Variants in NDST3 observed in about 807,000 individuals in gnomAD.
The protein encoded by NDST3 is bifunctional heparan sulfate N-deacetylase/N-sulfotransferase 3.
In NDST3, 58 loss-of-function variants were observed where a neutral mutation model predicts 96.1. The ratio of observed to expected loss-of-function variants is 0.60; its 90% confidence interval spans 0.49 to 0.75. The LOEUF is 0.75. NDST3 is among the 30% of genes least tolerant of loss of function. The pLI is 0.00. For missense variants in NDST3, 788 were observed against 1,034.2 expected (o/e 0.76, Z 3.27); for synonymous variants, 333 against 359.7 (o/e 0.93, Z 0.84).
At chr4:118,228,363 G>A (rs1168309704) in intron 8 of NDST3, among the ~76,000 whole-genome samples, 1 of 152,162 alleles carries the variant, frequency 6.6e-6, no homozygotes, top group Non-Finnish European at 1.5e-5. Flanking sequence ...TGAAGGCTTG[G>A]TAGCATTTTG....
chr4:118,079,305 A>T (rs1727824626), intron 2 of NDST3, among the ~76,000 whole-genome samples: 1 of 152,198 alleles, frequency 6.6e-6, no homozygotes, highest in Admixed American at 6.6e-5. Flanking sequence ...GGTCAGTGGG[A>T]TGCAGAGTGG....
At chr4:118,037,695 T>C (rs1177012654) in intron 1 of NDST3, among the ~76,000 whole-genome samples, 3 of 151,994 alleles carry the variant, frequency 2.0e-5, no homozygotes, top group South Asian at 2.1e-4. Flanking sequence ...CATAAAGGAG[T>C]CCACAGGACA....
intron 4 of NDST3, among the ~76,000 whole-genome samples, chr4:118,134,446 T>C (rs1732904524): frequency 6.6e-6 from 1 of 152,184 alleles, no homozygotes; most frequent in African/African-American, 2.4e-5. Flanking sequence ...GGGAATGCGA[T>C]TCTATGCCAA....
At chr4:118,117,645 T>C (rs908397315) in intron 4 of NDST3, among the ~76,000 whole-genome samples, 1 of 152,204 alleles carries the variant, frequency 6.6e-6, no homozygotes, top group Non-Finnish European at 1.5e-5. Context: ...CTATTTATTT[T>C]CCCATTATAG....
intron 4 of NDST3, among the ~76,000 whole-genome samples, chr4:118,130,084 G>A (rs1374217557): frequency 1.3e-5 from 2 of 151,992 alleles, no homozygotes; most frequent in East Asian, 1.9e-4. Flanking sequence ...ATCTTTATAA[G>A]TGAAGTGTGT....
intron 2 of NDST3, among the ~76,000 whole-genome samples, chr4:118,062,836 T>A (rs1252213626): frequency 2.0e-5 from 3 of 152,112 alleles, no homozygotes; most frequent in Non-Finnish European, 4.4e-5. Flanking sequence ...GAAAGCAAAA[T>A]GCTGTTACTG....
intron 10 of NDST3, among the ~76,000 whole-genome samples, chr4:118,239,617 T>C (rs537416204): frequency 4.7e-4 from 71 of 152,276 alleles, no homozygotes; most frequent in African/African-American, 1.7e-3. Flanking sequence ...ACTTAGTCCC[T>C]GAAAAATAGA....
chr4:118,060,922 A>G (rs111346777), intron 2 of NDST3, among the ~76,000 whole-genome samples: 604 of 152,234 alleles, frequency 4.0e-3, no homozygotes, highest in African/African-American at 0.011. Flanking sequence ...TTTTACTACC[A>G]TCAAAGTTTT....
At chr4:118,163,459 G>A (rs201768642) in intron 6 of NDST3, among the ~76,000 whole-genome samples, 1 of 150,716 alleles carries the variant, frequency 6.6e-6, no homozygotes, top group Non-Finnish European at 1.5e-5. Context: ...TAGGGACATG[G>A]ATGAAATTGG....
intron 1 of NDST3, among the ~76,000 whole-genome samples, chr4:118,038,608 C>A (rs567545163): frequency 6.6e-6 from 1 of 152,260 alleles, no homozygotes; most frequent in Admixed American, 6.5e-5. Context: ...CAAAGAAAAG[C>A]TTGCCCTTGT....
At chr4:118,182,494 T>C (rs1329976315) in intron 6 of NDST3, among the ~76,000 whole-genome samples, 2 of 152,128 alleles carry the variant, frequency 1.3e-5, no homozygotes, top group Non-Finnish European at 2.9e-5. Flanking sequence ...CAGTCACAAA[T>C]ACAGTAATCT....
At chr4:118,171,366 G>A (rs1005020955) in intron 6 of NDST3, among the ~76,000 whole-genome samples, 11 of 152,132 alleles carry the variant, frequency 7.2e-5, no homozygotes, top group Admixed American at 2.6e-4. Flanking sequence ...ATCCCCCTTA[G>A]GATGCTTAAT....
chr4:118,086,386 A>G (rs1305599370), intron 2 of NDST3, among the ~76,000 whole-genome samples: 1 of 152,252 alleles, frequency 6.6e-6, no homozygotes, highest in African/African-American at 2.4e-5. Flanking sequence ...TCTTGTGTGC[A>G]TCACCCTAGA....
chr4:118,150,721 C>A (rs868072461), intron 6 of NDST3, among the ~76,000 whole-genome samples: 9,108 of 150,702 alleles, frequency 0.06, 606 homozygotes, highest in African/African-American at 0.16. Flanking sequence ...AGCAATCATT[C>A]AAAAGTCAGG....
intron 6 of NDST3, among the ~76,000 whole-genome samples, chr4:118,199,067 T>C (rs1271227900): frequency 1.3e-5 from 2 of 152,182 alleles, no homozygotes; most frequent in Non-Finnish European, 2.9e-5. Flanking sequence ...TTCTGTAACC[T>C]TCTTGTACTT....
At chr4:118,210,026 C>CT (rs1738682618) in intron 6 of NDST3, among the ~76,000 whole-genome samples, 1 of 152,102 alleles carries the variant, frequency 6.6e-6, no homozygotes, top group Non-Finnish European at 1.5e-5. Flanking sequence ...CCAAAATGAG[C>CT]TGTGAGAGGG....
At chr4:118,117,750 T>C (rs1034731362) in intron 4 of NDST3, among the ~76,000 whole-genome samples, 6 of 152,190 alleles carry the variant, frequency 3.9e-5, no homozygotes, top group African/African-American at 1.4e-4. Context: ...TAATGCTGCA[T>C]AAATTGCAGT....
intron 9 of NDST3, among the ~76,000 whole-genome samples, chr4:118,235,797 T>G (rs1283091043): frequency 6.6e-6 from 1 of 152,184 alleles, no homozygotes; most frequent in African/African-American, 2.4e-5. Flanking sequence ...TGTATATCTC[T>G]TTCTCCCTAA....
chr4:118,174,435 A>T (rs1290327757), intron 6 of NDST3, among the ~76,000 whole-genome samples: 1 of 152,194 alleles, frequency 6.6e-6, no homozygotes, highest in Admixed American at 6.5e-5. Flanking sequence ...GATGAACTAT[A>T]TGGAAGTAAC....
Sources: gnomAD v4.1 joint callset for allele counts (sites outside exome capture counted in the v4.1 genomes callset) on GRCh38, gnomAD v4.1.1 for gene constraint, MANE v1.5 for transcripts, NCBI Gene and HGNC (gene_info 2026-07-23, HGNC 2026-07-21) for gene names.